ALK: variants seen among roughly 807,000 people sequenced by gnomAD.
ALK encodes ALK receptor tyrosine kinase, also known as ALK tyrosine kinase receptor.
ALK carries 74 observed loss-of-function variants against 163.1 expected under a neutral mutation model. The observed-to-expected ratio is 0.45, with a 90% CI of 0.38 to 0.55. The LOEUF (loss-of-function observed/expected upper bound fraction) is 0.55, where lower values mean the gene tolerates loss of function less well. ALK is among the 20% of genes least tolerant of loss of function. The pLI, the probability that ALK is intolerant of heterozygous loss-of-function variation, is 0.00. For missense variants in ALK, 2,063 were observed against 2,105.3 expected (o/e 0.98, Z 0.39); for synonymous variants, 960 against 843.2 (o/e 1.14, Z -2.40).
At chr2:29,586,290 T>C (rs1468393972) in intron 3 of ALK, among the ~76,000 whole-genome samples, 1 of 152,160 alleles carries the variant, frequency 6.6e-6, no homozygotes, top group Non-Finnish European at 1.5e-5. Flanking sequence ...ATACGATGAC[T>C]ATTTTCTTAT....
chr2:29,580,468 A>G (rs971973500), intron 3 of ALK, among the ~76,000 whole-genome samples: 4 of 152,238 alleles, frequency 2.6e-5, no homozygotes, highest in Admixed American at 2.6e-4. Context: ...GTAGGATTTC[A>G]GGCCCAGCCA....
intron 4 of ALK, among the ~76,000 whole-genome samples, chr2:29,476,155 G>A (rs766994423): frequency 2.6e-5 from 4 of 152,112 alleles, no homozygotes; most frequent in African/African-American, 7.2e-5. Flanking sequence ...CACAAGCTGC[G>A]GCTCAGACCC....
At chr2:29,839,772 C>T (rs1202805818) in intron 1 of ALK, among the ~76,000 whole-genome samples, 1 of 152,140 alleles carries the variant, frequency 6.6e-6, no homozygotes, top group East Asian at 1.9e-4. Flanking sequence ...GTGCTCCCTT[C>T]TCTGGATTTC....
chr2:29,612,642 C>G (rs1167858766), intron 3 of ALK, among the ~76,000 whole-genome samples: 1 of 152,192 alleles, frequency 6.6e-6, no homozygotes, highest in Non-Finnish European at 1.5e-5. Context: ...CACCTGGCCC[C>G]TAGCCCTGAA....
chr2:29,207,401 C>T (rs925190854), intron 25 of ALK, 129 bp from the exon 26 acceptor site: 1 of 747,606 alleles, frequency 1.3e-6, no homozygotes, highest in Admixed American at 2.0e-5. Flanking sequence ...ACCATGAGTC[C>T]TTGGCGGTTC....
At chr2:29,716,410 G>C (rs1367720440) in intron 2 of ALK, among the ~76,000 whole-genome samples, 1 of 152,208 alleles carries the variant, frequency 6.6e-6, no homozygotes, top group East Asian at 1.9e-4. Flanking sequence ...GTTCACCCTA[G>C]AGGAGTTCAA....
intron 4 of ALK, among the ~76,000 whole-genome samples, chr2:29,524,181 A>G (rs1407185009): frequency 1.3e-5 from 2 of 152,178 alleles, no homozygotes; most frequent in Admixed American, 1.3e-4. Flanking sequence ...TTCAATTGAT[A>G]TGTTATCCAT....
intron 4 of ALK, among the ~76,000 whole-genome samples, chr2:29,430,500 A>G (rs557528495): frequency 7.0e-6 from 1 of 142,950 alleles, no homozygotes; most frequent in African/African-American, 2.4e-5. Context: ...GGTAGCATAA[A>G]AACAACCATA....
Position 29,365,407 on chromosome 2 carries a change from G to A in ALK, c.1282+18325C>T, listed in dbSNP as rs972433556. Among the ~76,000 whole-genome samples the A allele has an allele frequency of 9.2e-5, 14 of 152,322 alleles. 1 individual carries two copies. Among genetic ancestry groups the A allele is most frequent in the Middle Eastern group, 3.4e-3 (1 of 294 alleles). On this transcript the variant is annotated intron_variant, in intron 5 of 28. Transcript: ENST00000389048. ...CATCTCTGGCCCATTCAGAGGACAG[G>A]TTATGGATCTGGTTGAGCCCAGTTG...
chr2:29,647,369 G>A (rs1676908554), intron 3 of ALK, among the ~76,000 whole-genome samples: 1 of 152,062 alleles, frequency 6.6e-6, no homozygotes, highest in African/African-American at 2.4e-5. Flanking sequence ...ATACTGTCCT[G>A]GGCCAGGCCC....
chr2:29,217,170 G>A (rs1207423376), intron 23 of ALK, among the ~76,000 whole-genome samples: 1 of 151,134 alleles, frequency 6.6e-6, no homozygotes, highest in Non-Finnish European at 1.5e-5. Flanking sequence ...TTGTGTATAT[G>A]TCTGTGTGTT....
At chr2:29,427,471 T>C (rs1159269653) in intron 4 of ALK, among the ~76,000 whole-genome samples, 1 of 152,072 alleles carries the variant, frequency 6.6e-6, no homozygotes, top group Non-Finnish European at 1.5e-5. Context: ...ATTAAGTTAA[T>C]ATAAATCTAA....
chr2:29,716,549 T>A (rs186633101), intron 2 of ALK, among the ~76,000 whole-genome samples: 37 of 152,238 alleles, frequency 2.4e-4, no homozygotes, highest in African/African-American at 8.9e-4. Context: ...AAAGGCAGCC[T>A]CCTGAGGGCT....
At chr2:29,783,828 C>A (rs906526891) in intron 1 of ALK, among the ~76,000 whole-genome samples, 1 of 152,138 alleles carries the variant, frequency 6.6e-6, no homozygotes. Context: ...ACGGTCACCC[C>A]CAGGGACAAA....
intron 3 of ALK, among the ~76,000 whole-genome samples, chr2:29,636,718 C>G (rs973774477): frequency 1.3e-5 from 2 of 152,010 alleles, no homozygotes; most frequent in Non-Finnish European, 2.9e-5. Flanking sequence ...AGACTAGTAT[C>G]TAGAATATTT....
Position 29,831,240 on chromosome 2 carries a change from A to AGG in ALK, c.667+88752_667+88753insCC. On this transcript the variant is annotated intron_variant, in intron 1 of 28. Coordinates refer to ENST00000389048, the MANE Select transcript of ALK (RefSeq NM_004304.5). ...GAGGAAGAGGAAGAAGAAGAGGAAG[A>AGG]AGAAGAGGAAGAGGAAGAGGAAGAA... Among the ~76,000 whole-genome samples the AGG allele has an allele frequency of 1.1e-4, 10 of 87,218 alleles. 2 individuals are homozygous for AGG. Among genetic ancestry groups the AGG allele is most frequent in the African/African-American group, 4.7e-4 (10 of 21,438 alleles). The allele number at this position is 87,218 out of a possible 152,430, so 57.2% of individuals were successfully genotyped here.
chr2:29,757,119 T>C (rs2631940), intron 1 of ALK, among the ~76,000 whole-genome samples: 135,250 of 152,208 alleles, frequency 0.89, 60,244 homozygotes, highest in Non-Finnish European at 0.91. Flanking sequence ...AAAAGTGTTC[T>C]AGGCATAGGG....
intron 4 of ALK, among the ~76,000 whole-genome samples, chr2:29,454,395 C>G (rs1469199298): frequency 6.6e-6 from 1 of 152,066 alleles, no homozygotes; most frequent in Non-Finnish European, 1.5e-5. Flanking sequence ...AATGTAAGTG[C>G]TAGGTAAACA....
intron 12 of ALK, among the ~76,000 whole-genome samples, chr2:29,241,927 T>A (rs1573150973): frequency 1.3e-5 from 2 of 151,966 alleles, no homozygotes; most frequent in African/African-American, 4.8e-5. Flanking sequence ...CTCTTAGAGG[T>A]CATTTCCTCC....
Sources: gnomAD v4.1 joint callset for allele counts (sites outside exome capture counted in the v4.1 genomes callset) on GRCh38, gnomAD v4.1.1 for gene constraint, MANE v1.5 for transcripts, NCBI Gene and HGNC (gene_info 2026-07-23, HGNC 2026-07-21) for gene names.